BRWD3: variants seen among roughly 807,000 people sequenced by gnomAD.
The protein encoded by BRWD3 is bromodomain and WD repeat domain containing 3, also known as bromodomain and WD repeat-containing protein 3.
In BRWD3, 10 loss-of-function variants were observed where a neutral mutation model predicts 149.7. The observed-to-expected ratio is 0.07, with a 90% confidence interval of 0.04 to 0.11. The LOEUF (loss-of-function observed/expected upper bound fraction) is 0.11, where lower values mean the gene tolerates loss of function less well. Among genes scored for constraint, BRWD3 ranks in the 10% least tolerant of loss-of-function variants. The pLI is 1.00. For missense variants in BRWD3, 940 were observed against 1,373.2 expected (o/e 0.68, Z 4.99); for synonymous variants, 504 against 456.7 (o/e 1.10, Z -1.32).
rs1398291569 is a variant in BRWD3 at position 80,670,120 on chromosome X, AGAAAG to A, written c.*6484_*6488del. Among the ~76,000 whole-genome samples the A allele has an allele frequency of 9.0e-6, 1 of 111,591 alleles. No individual in the cohort carries two copies. Among genetic ancestry groups the A allele is most frequent in the Non-Finnish European group, 1.9e-5 (1 of 53,113 alleles). On this transcript the variant is annotated 3_prime_UTR_variant, in exon 41 of 41. Coordinates refer to ENST00000373275, the MANE Select transcript of BRWD3 (RefSeq NM_153252.5). ...AAAGAAAAATCTATTAAAGTTACAT[AGAAAG>A]GAAAGGAAAATGTTTCCCTAGAACT... is the stretch of plus-strand genomic sequence containing the variant.
rs368569131 is a variant in BRWD3 at position 80,739,179 on chromosome X, T to C, written c.814-3091A>G. On this transcript the variant is annotated intron_variant, in intron 8 of 40. Transcript: ENST00000373275. ...TCATGAGAATTTGCCAGATTCTAGA[T>C]ACACTTTGATGGTAGAACCAACATG... 1.2e-4 allele frequency among the ~76,000 whole-genome samples: 13 copies of C among 111,535 alleles called. No individual in the cohort carries two copies. The East Asian group carries it at 2.2e-3, about 19-fold the overall frequency.
At chrX:80,726,599 G>A (rs1030275085) in intron 14 of BRWD3, among the ~76,000 whole-genome samples, 5 of 109,643 alleles carry the variant, frequency 4.6e-5, no homozygotes, top group Non-Finnish European at 7.6e-5. Context: ...CATCAGGAGC[G>A]TCTAAAAAAA....
At chrX:80,694,081 G>A (rs1057224686) in intron 27 of BRWD3, among the ~76,000 whole-genome samples, 4 of 111,287 alleles carry the variant, frequency 3.6e-5, no homozygotes, top group African/African-American at 9.8e-5. Context: ...CCTGCTCTGC[G>A]CACACTTGGA....
chrX:80,767,591 A>C (rs1302105495), intron 6 of BRWD3, among the ~76,000 whole-genome samples: 1 of 112,173 alleles, frequency 8.9e-6, no homozygotes, highest in East Asian at 2.8e-4. Context: ...AAAACCACCA[A>C]GATTTGGAAA....
chrX:80,733,573 T>C, intron 11 of BRWD3, 77 bp from the exon 12 acceptor site: 1 of 821,404 alleles, frequency 1.2e-6, no homozygotes, highest in Non-Finnish European at 1.8e-6. Flanking sequence ...CTCAAATTCA[T>C]AGGCAAAAAC....
At chrX:80,758,791 A>C (rs745960742) in intron 6 of BRWD3, among the ~76,000 whole-genome samples, 1 of 112,058 alleles carries the variant, frequency 8.9e-6, no homozygotes, top group Admixed American at 9.5e-5. Flanking sequence ...TCTTTAAAAA[A>C]TAAACTAAAA....
chrX:80,778,727 G>A (rs761515753), intron 6 of BRWD3, among the ~76,000 whole-genome samples: 2 of 112,549 alleles, frequency 1.8e-5, no homozygotes, highest in African/African-American at 6.5e-5. Flanking sequence ...GGCCAGGCAC[G>A]GTGGCTCACA....
At chrX:80,796,819 C>A (rs1467922644) in intron 4 of BRWD3, among the ~76,000 whole-genome samples, 2 of 111,170 alleles carry the variant, frequency 1.8e-5, no homozygotes, top group African/African-American at 6.5e-5. Flanking sequence ...CTATACAGAG[C>A]TATGTTTCAG....
At chrX:80,682,359 A>G (rs778715995) in intron 38 of BRWD3, 106 bp downstream of exon 38, 23 of 941,691 alleles carry the variant, frequency 2.4e-5, no homozygotes, top group East Asian at 9.3e-5. Flanking sequence ...AACAAACAAA[A>G]AAAGACCTCT....
At chrX:80,679,725 T>C (rs985145553) in intron 40 of BRWD3, among the ~76,000 whole-genome samples, 1 of 105,863 alleles carries the variant, frequency 9.4e-6, no homozygotes, top group Non-Finnish European at 2.0e-5. Context: ...TGCAATGATA[T>C]AGAGATTGAA....
chrX:80,786,851 C>T (rs1263264281), intron 6 of BRWD3, among the ~76,000 whole-genome samples: 1 of 111,479 alleles, frequency 9.0e-6, no homozygotes. Flanking sequence ...GTAGTAAAGG[C>T]ACTAGCAGCT....
intron 37 of BRWD3, 113 bp downstream of exon 37, chrX:80,683,897 A>G: frequency 1.4e-6 from 1 of 714,430 alleles, no homozygotes; most frequent in Non-Finnish European, 2.2e-6. Context: ...TGCTAAATGT[A>G]TCTTTATGCA....
chrX:80,807,168 A>G (rs780192841), intron 4 of BRWD3, among the ~76,000 whole-genome samples: 1 of 112,131 alleles, frequency 8.9e-6, no homozygotes, highest in Non-Finnish European at 1.9e-5. Context: ...TAAGTCCAAC[A>G]GAAAGACTGA....
chrX:80,685,633 A>G, intron 35 of BRWD3, 97 bp from the exon 36 acceptor site: 3 of 637,703 alleles, frequency 4.7e-6, no homozygotes, highest in African/African-American at 2.2e-5. Context: ...AGATCCATAC[A>G]CTGGAATCAT....
chrX:80,726,078 G>C (rs74981748), intron 14 of BRWD3, among the ~76,000 whole-genome samples: 1 of 81,567 alleles, frequency 1.2e-5, no homozygotes, highest in South Asian at 6.0e-4. Flanking sequence ...TTTACATGTT[G>C]TCTGTATAAC....
chrX:80,794,761 G>T (rs1044533578), intron 4 of BRWD3, among the ~76,000 whole-genome samples: 1 of 110,340 alleles, frequency 9.1e-6, no homozygotes. Context: ...TTAATCTTAT[G>T]AAATAAGTGT....
At position 80,686,480 on chromosome X, in the gene BRWD3, A is replaced by G. The variant is rs966732384; in HGVS notation, c.4005+383T>C. On this transcript the variant is annotated intron_variant, in intron 35 of 40. Transcript: ENST00000373275. The stretch of plus-strand genomic sequence containing the variant: ...TAAAGAAAAGAAAAGTCATACTGGT[A>G]TACTGGTTACTCTAAGTGGCCATAT... 4.6e-5 allele frequency among the ~76,000 whole-genome samples: 5 copies of G among 109,370 alleles called. No individual in the cohort carries two copies. The South Asian group carries it at 1.9e-3, about 42-fold the overall frequency. 95.0% of individuals were successfully genotyped at this position (109,370 alleles called of 115,157 possible). A position where few individuals can be genotyped will look rare whatever the true frequency, so the allele number is the denominator to read the frequency against.
At chrX:80,802,575 C>T (rs1196577468) in intron 4 of BRWD3, among the ~76,000 whole-genome samples, 1 of 109,734 alleles carries the variant, frequency 9.1e-6, no homozygotes, top group African/African-American at 3.3e-5. Context: ...TCTCTCTATC[C>T]TAATTTTAAA....
rs1482419803 is a variant in BRWD3 at position 80,673,481 on chromosome X, G to A, written c.*3128C>T. ...TTTTTTTGAATGTCTGAGATAAGGT[G>A]TGTCAAGTTGGGGAAAAAACTTTAC... On this transcript the variant is annotated 3_prime_UTR_variant, in exon 41 of 41. Coordinates refer to ENST00000373275, the MANE Select transcript of BRWD3 (RefSeq NM_153252.5). 13 of 110,797 alleles carry A rather than the reference G, an allele frequency of 1.2e-4. No homozygotes were observed. Among genetic ancestry groups the A allele is most frequent in the Non-Finnish European group, 1.3e-4 (7 of 52,847 alleles). The allele number at this position is 110,797 out of a possible 1,213,427, so 9.1% of individuals were successfully genotyped here.
Sources: gnomAD v4.1 joint callset for allele counts (sites outside exome capture counted in the v4.1 genomes callset) on GRCh38, gnomAD v4.1.1 for gene constraint, MANE v1.5 for transcripts, NCBI Gene and HGNC (gene_info 2026-07-23, HGNC 2026-07-21) for gene names.